MARCHF3: variants seen among roughly 807,000 people sequenced by gnomAD.
The protein encoded by MARCHF3 is membrane associated ring-CH-type finger 3.
In MARCHF3, 13 loss-of-function variants were observed where a neutral mutation model predicts 24.2. The observed-to-expected ratio is 0.54, with a 90% CI of 0.35 to 0.85. The LOEUF is 0.85. Ranked by LOEUF, MARCHF3 falls within the 40% of genes least tolerant of loss-of-function variation. The pLI is 0.01. For missense variants in MARCHF3, 276 were observed against 325.0 expected, an observed-to-expected ratio of 0.85 and a Z score of 1.16; for synonymous variants, 144 against 137.3, an observed-to-expected ratio of 1.05 and a Z score of -0.34.
At chr5:127,016,153 G>GA (rs1752631718) in intron 1 of MARCHF3, among the ~76,000 whole-genome samples, 1 of 151,966 alleles carries the variant, frequency 6.6e-6, no homozygotes, top group South Asian at 2.1e-4. Context: ...ATACATGTAG[G>GA]AAAAAAACAT....
intron 1 of MARCHF3, among the ~76,000 whole-genome samples, chr5:127,009,344 C>A (rs775952429): frequency 6.6e-6 from 1 of 152,084 alleles, no homozygotes; most frequent in East Asian, 1.9e-4. Context: ...TTGACAAAAA[C>A]AAGAAAAAAT....
chr5:127,021,753 CAAA>C (rs902360284), intron 1 of MARCHF3, among the ~76,000 whole-genome samples: 20 of 151,862 alleles, frequency 1.3e-4, no homozygotes, highest in African/African-American at 4.6e-4. Context: ...ACCCAAAACA[CAAA>C]AAATAGAGTA....
intron 3 of MARCHF3, among the ~76,000 whole-genome samples, chr5:126,881,403 T>C (rs1402119727): frequency 1.3e-5 from 2 of 152,162 alleles, no homozygotes; most frequent in Non-Finnish European, 2.9e-5. Context: ...AAAGTACCCT[T>C]GGCCATGGTA....
At chr5:126,933,260 C>T (rs557694686) in intron 1 of MARCHF3, among the ~76,000 whole-genome samples, 10 of 152,058 alleles carry the variant, frequency 6.6e-5, no homozygotes, top group Non-Finnish European at 1.3e-4. Flanking sequence ...TGTTCAGTAG[C>T]GGAGAAAATA....
Position 126,976,567 on chromosome 5 carries a change from T to A in MARCHF3, c.-57+53783A>T, listed in dbSNP as rs74907426. Reference sequence around the variant, plus strand: ...TATTTCCTTTCTATCTATCTAGACCTCTTCACATCCTTGACCTGCCTTGGG... The same window carrying A: ...TATTTCCTTTCTATCTATCTAGACCACTTCACATCCTTGACCTGCCTTGGG... On this transcript the variant is annotated intron_variant, in intron 1 of 4. Coordinates refer to ENST00000308660, the MANE Select transcript of MARCHF3 (RefSeq NM_178450.5). 1.1e-3 allele frequency among the ~76,000 whole-genome samples: 160 copies of A among 152,338 alleles called. 1 individual carries two copies. The highest frequency in any genetic ancestry group is 3.7e-3 in the African/African-American group (153 of 41,582).
At chr5:127,020,951 A>C (rs556309068) in intron 1 of MARCHF3, among the ~76,000 whole-genome samples, 53 of 152,286 alleles carry the variant, frequency 3.5e-4, no homozygotes, top group African/African-American at 1.2e-3. Context: ...TATGGTGAAA[A>C]GGCACCATCT....
chr5:126,910,402 C>T lies in MARCHF3; in HGVS notation c.393+4528G>A, dbSNP rs150657037. Among the ~76,000 whole-genome samples, 21 of 152,338 alleles carry T rather than the reference C, an allele frequency of 1.4e-4. No homozygotes were observed. The East Asian group carries it at 2.9e-3, about 21-fold the overall frequency. On this transcript the variant is annotated intron_variant, in intron 3 of 4. Transcript: ENST00000308660. ...TAATGGCAAAAGGCTGGAGTCAAGG[C>T]ACAAATTTTAGGGGAACAAGTCATG...
chr5:126,980,662 C>G (rs9327424), intron 1 of MARCHF3, among the ~76,000 whole-genome samples: 69,565 of 151,962 alleles, frequency 0.46, 16,489 homozygotes, highest in East Asian at 0.67. Context: ...AGCCACCACG[C>G]CTGGCCTCAA....
intron 1 of MARCHF3, among the ~76,000 whole-genome samples, chr5:127,028,719 T>TC (rs1432373415): frequency 6.6e-6 from 1 of 152,056 alleles, no homozygotes; most frequent in Non-Finnish European, 1.5e-5. Flanking sequence ...GATTTTTTTT[T>TC]CTCTCCTACA....
intron 1 of MARCHF3, among the ~76,000 whole-genome samples, chr5:126,927,872 T>TAG (rs770636973): frequency 8.5e-5 from 13 of 152,142 alleles, no homozygotes; most frequent in Non-Finnish European, 1.9e-4. Context: ...GCCTGTTTGA[T>TAG]AGAAACAAAA....
chr5:126,883,569 C>A (rs1753409249), intron 3 of MARCHF3, among the ~76,000 whole-genome samples: 1 of 152,200 alleles, frequency 6.6e-6, no homozygotes, highest in Non-Finnish European at 1.5e-5. Flanking sequence ...ACTACCTTGC[C>A]ACAGCATCAT....
At chr5:126,896,234 G>A (rs540865624) in intron 3 of MARCHF3, among the ~76,000 whole-genome samples, 2 of 152,210 alleles carry the variant, frequency 1.3e-5, no homozygotes, top group African/African-American at 4.8e-5. Flanking sequence ...AGATGAACCC[G>A]GTACCTCAGA....
chr5:126,870,283 G>A lies in MARCHF3; in HGVS notation c.*350C>T. 5.7e-6 allele frequency: 1 copy of A among 175,568 alleles called. No individual in the cohort carries two copies. Among genetic ancestry groups the A allele is most frequent in the Non-Finnish European group, 1.2e-5 (1 of 81,130 alleles). The allele number at this position is 175,568 out of a possible 1,614,324, so 10.9% of individuals were successfully genotyped here. A position where few individuals can be genotyped will look rare whatever the true frequency, so the allele number is the denominator to read the frequency against. The stretch of plus-strand genomic sequence containing the variant: ...AAGTTTAATATATATATATATGTGT[G>A]TGTGTTTGAAATAGTAATAAAAAAG... On this transcript the variant is annotated 3_prime_UTR_variant, in exon 5 of 5. Coordinates refer to ENST00000308660, the MANE Select transcript of MARCHF3 (RefSeq NM_178450.5).
chr5:127,004,528 C>T (rs1043228055), intron 1 of MARCHF3, among the ~76,000 whole-genome samples: 3 of 150,858 alleles, frequency 2.0e-5, no homozygotes, highest in Non-Finnish European at 4.4e-5. Context: ...TACATAGGTT[C>T]AGCCTTTGGG....
chr5:126,977,994 C>G (rs1751261295), intron 1 of MARCHF3, among the ~76,000 whole-genome samples: 4 of 152,116 alleles, frequency 2.6e-5, no homozygotes, highest in Admixed American at 2.0e-4. Context: ...GCTGAGGGAG[C>G]TATATTCTCT....
intron 1 of MARCHF3, among the ~76,000 whole-genome samples, chr5:126,924,276 G>GT (rs1162499121): frequency 6.6e-6 from 1 of 152,192 alleles, no homozygotes; most frequent in Non-Finnish European, 1.5e-5. Context: ...TCTGACCTTA[G>GT]TTTTACATGA....
chr5:126,907,440 T>C (rs1754341110), intron 3 of MARCHF3, among the ~76,000 whole-genome samples: 3 of 146,196 alleles, frequency 2.1e-5, no homozygotes, highest in Admixed American at 6.8e-5. Context: ...CCATTATTAA[T>C]GTGTGGGAGT....
chr5:127,006,371 T>C (rs1401227503), intron 1 of MARCHF3, among the ~76,000 whole-genome samples: 1 of 152,178 alleles, frequency 6.6e-6, no homozygotes, highest in Non-Finnish European at 1.5e-5. Flanking sequence ...AGTCTAGTTC[T>C]AAGTTCAATT....
At chr5:126,899,138 C>G (rs973577603) in intron 3 of MARCHF3, 1 of 985,176 alleles carries the variant, frequency 1.0e-6, no homozygotes. Flanking sequence ...GTTCCTATCT[C>G]TTCAAGAAAG....
Sources: allele counts gnomAD v4.1 joint callset (sites outside exome capture counted in the v4.1 genomes callset), GRCh38; gene constraint gnomAD v4.1.1; transcripts MANE v1.5; gene names NCBI Gene and HGNC (gene_info 2026-07-23, HGNC 2026-07-21).